The following RAD23B variants were observed in gnomAD, a reference collection of about 807,000 sequenced individuals.
RAD23B encodes RAD23 nucleotide excision repair protein B.
Under a neutral mutation model 49.1 loss-of-function variants are expected in RAD23B, and 5 were observed. The observed-to-expected ratio is 0.10, with a 90% CI of 0.05 to 0.21. The LOEUF is 0.21. RAD23B is among the 10% of genes least tolerant of loss of function. The pLI, the probability that RAD23B is intolerant of heterozygous loss-of-function variation, is 1.00. For synonymous variants in RAD23B, 184 were observed against 165.4 expected (o/e 1.11, Z -0.86); for missense variants, 356 against 486.7 (o/e 0.73, Z 2.53).
At chr9:107,329,361 G>A (rs1412441247) in intron 9 of RAD23B, among the ~76,000 whole-genome samples, 182 bp from the exon 10 acceptor site, 1 of 152,144 alleles carries the variant, frequency 6.6e-6, no homozygotes, top group African/African-American at 2.4e-5. Flanking sequence ...CTTGGGTTGG[G>A]CAGTAAATCC....
rs775135855 is a variant in RAD23B, at chr9:107,306,595, G to A, written c.445G>A (p.Ala149Thr). 6.2e-7 allele frequency: 1 copy of A among 1,614,164 alleles called. No homozygotes were observed. The highest frequency in any genetic ancestry group is 8.5e-7 in the Non-Finnish European group (1 of 1,180,026). ...TAGTGCAGCTAAACAAGAGAAGCCT[G>A]CAGAAAAGCCAGCAGAGACACCAGT... ...PASAAKQEKP[A>T]EKPAETPVAT... is the part of the protein sequence containing the mutation. The change falls in exon 4 of 10, where the codon GCA (alanine) becomes ACA (threonine). Residue 149 changes from alanine (A) to threonine (T), a missense_variant. By Grantham distance (58) the Ala-to-Thr change is moderately conservative. This residue lies in a region of RAD23B where 137 missense variants were observed against 122.0 expected (regional missense o/e 1.12). Coordinates refer to ENST00000358015, the MANE Select transcript of RAD23B (RefSeq NM_002874.5).
intron 5 of RAD23B, among the ~76,000 whole-genome samples, chr9:107,317,553 G>T (rs1827021167): frequency 6.6e-6 from 1 of 151,976 alleles, no homozygotes; most frequent in Admixed American, 6.5e-5. Flanking sequence ...GAAGTCAAAG[G>T]TGGGAGGTGT....
chr9:107,284,482 GA>G (rs1371600747), intron 1 of RAD23B, among the ~76,000 whole-genome samples: 1 of 149,394 alleles, frequency 6.7e-6, no homozygotes, highest in East Asian at 2.0e-4. Flanking sequence ...GTTCAAGGGG[GA>G]AAAAAGAAAA....
At chr9:107,322,225 A>AT (rs2133095366) in intron 7 of RAD23B, 107 bp downstream of exon 7, 2 of 1,325,294 alleles carry the variant, frequency 1.5e-6, no homozygotes, top group South Asian at 3.4e-5. Flanking sequence ...GAGCAGTCGA[A>AT]TAATTCGTTA....
At chr9:107,291,570 G>A (rs1833385794) in intron 1 of RAD23B, among the ~76,000 whole-genome samples, 1 of 152,022 alleles carries the variant, frequency 6.6e-6, no homozygotes, top group Non-Finnish European at 1.5e-5. Context: ...TATTCCTTGG[G>A]TCCAGTGAGG....
intron 6 of RAD23B, among the ~76,000 whole-genome samples, 182 bp downstream of exon 6, chr9:107,319,061 T>C (rs561045173): frequency 3.9e-5 from 6 of 152,006 alleles, no homozygotes; most frequent in Admixed American, 2.6e-4. Context: ...AATCTAATGG[T>C]CCAACATTGT....
chr9:107,318,105 C>T lies in RAD23B; in HGVS notation c.554-647C>T, dbSNP rs1827031167. ...CTCATTTTTCTATTGTACTCTGAAA[C>T]ATATTATATGAGTTTCCTGTTGCTA... On this transcript the variant is annotated intron_variant, in intron 5 of 9. Coordinates refer to ENST00000358015, the MANE Select transcript of RAD23B (RefSeq NM_002874.5). This position sits in a 1 kb window ranked among gnomAD's most constrained non-coding sequence, Gnocchi z 4.3. Among the ~76,000 whole-genome samples, 1 of 152,124 alleles carries T rather than the reference C, an allele frequency of 6.6e-6. No homozygotes were observed. The highest frequency in any genetic ancestry group is 2.4e-5 in the African/African-American group (1 of 41,422).
chr9:107,321,726 C>T (rs544128379), intron 6 of RAD23B, among the ~76,000 whole-genome samples: 2 of 152,256 alleles, frequency 1.3e-5, no homozygotes, highest in Admixed American at 6.5e-5. Context: ...ATATTTCCAT[C>T]ATCATGGTAA....
chr9:107,327,729 T>C (rs1228187166), intron 9 of RAD23B, among the ~76,000 whole-genome samples: 1 of 152,174 alleles, frequency 6.6e-6, no homozygotes, highest in African/African-American at 2.4e-5. Context: ...GTAGTTCTTA[T>C]TAAGTGGTCT....
At chr9:107,313,868 C>G (rs1332484652) in intron 5 of RAD23B, among the ~76,000 whole-genome samples, 1 of 151,566 alleles carries the variant, frequency 6.6e-6, no homozygotes, top group Non-Finnish European at 1.5e-5. Flanking sequence ...CTTTTCTTTT[C>G]CTTTCTCCTC....
At chr9:107,283,931 G>C (rs1207975868) in intron 1 of RAD23B, 4 of 1,067,408 alleles carry the variant, frequency 3.7e-6, no homozygotes, top group Non-Finnish European at 4.7e-6. Context: ...CCTGGTGGCA[G>C]ATGGCGTGGA....
At chr9:107,317,824 A>G (rs1827025986) in intron 5 of RAD23B, among the ~76,000 whole-genome samples, 1 of 152,076 alleles carries the variant, frequency 6.6e-6, no homozygotes, top group South Asian at 2.1e-4. Flanking sequence ...AGGAGTCTGT[A>G]AGAAGTGACT....
chr9:107,303,880 A>T (rs1826708452), intron 3 of RAD23B, among the ~76,000 whole-genome samples: 1 of 152,206 alleles, frequency 6.6e-6, no homozygotes, highest in Non-Finnish European at 1.5e-5. Flanking sequence ...CACAAGAATT[A>T]AGCAGAAAAA....
intron 3 of RAD23B, among the ~76,000 whole-genome samples, chr9:107,303,549 T>A (rs2133076963): frequency 6.6e-6 from 1 of 152,346 alleles, no homozygotes; most frequent in South Asian, 2.1e-4. Context: ...ACTTCCAGTT[T>A]AATCATTTTA....
intron 3 of RAD23B, 97 bp downstream of exon 3, chr9:107,302,211 C>T: frequency 6.6e-7 from 1 of 1,526,312 alleles, no homozygotes; most frequent in Non-Finnish European, 8.8e-7. Context: ...TATACACATC[C>T]ATAGTGGTGT....
At chr9:107,284,603 GT>G (rs2133058586) in intron 1 of RAD23B, 1 of 413,314 alleles carries the variant, frequency 2.4e-6, no homozygotes, top group East Asian at 1.1e-4. Flanking sequence ...AAGAGACACT[GT>G]TGAGGTCAGT....
chr9:107,305,063 C>A (rs936690569), intron 3 of RAD23B, among the ~76,000 whole-genome samples: 3 of 151,686 alleles, frequency 2.0e-5, no homozygotes, highest in African/African-American at 7.3e-5. Context: ...CCAAGGTGGG[C>A]GGATCGCTTG....
At chr9:107,302,201 T>C (rs56026775) in intron 3 of RAD23B, 87 bp downstream of exon 3, 25 of 1,576,522 alleles carry the variant, frequency 1.6e-5, no homozygotes, top group Admixed American at 7.5e-5. Context: ...GGACACAGTT[T>C]ATACACATCC....
intron 1 of RAD23B, among the ~76,000 whole-genome samples, chr9:107,287,288 A>AG (rs1307179112): frequency 8.5e-5 from 13 of 152,204 alleles, no homozygotes. Flanking sequence ...TGACAAGAAA[A>AG]AGTATGTGAT....
Sources: gnomAD v4.1 joint callset for allele counts (sites outside exome capture counted in the v4.1 genomes callset) on GRCh38, gnomAD v4.1.1 for gene constraint, gnomAD v4.1.1 regional missense constraint, Gnocchi (gnomAD v3.1) non-coding constraint, MANE v1.5 for transcripts, NCBI Gene and HGNC (gene_info 2026-07-23, HGNC 2026-07-21) for gene names.